NOS2: variants seen among roughly 807,000 people sequenced by gnomAD.
NOS2 encodes the protein nitric oxide synthase, inducible.
A neutral mutation model predicts 136.0 loss-of-function variants in NOS2; 96 were observed. The ratio of observed to expected loss-of-function variants is 0.71; its 90% CI spans 0.60 to 0.84. NOS2 has a LOEUF of 0.84. Among genes scored for constraint, NOS2 ranks in the 40% least tolerant of loss-of-function variants. The pLI is 0.00. For missense variants in NOS2, 1,237 were observed against 1,496.9 expected, an observed-to-expected ratio of 0.83 and a Z score of 2.87; for synonymous variants, 539 against 587.5, an observed-to-expected ratio of 0.92 and a Z score of 1.20.
Position 27,782,962 on chromosome 17 carries a change from G to T in NOS2, c.612C>A (p.Ile204=), listed in dbSNP as rs1034656608. The T allele has an allele frequency of 3.1e-6, 5 of 1,614,032 alleles. No homozygotes were observed. The highest frequency in any genetic ancestry group is 2.7e-5 in the African/African-American group (2 of 74,940). The part of the protein sequence containing the change: ...WRNAPRCIGR[I]QWSNLQVFDA... ...AGTTCACCTGCAGGTTGGACCACTG[G>T]ATCCTCCCAATGCAGCGTGGGGCAT... The change falls in exon 6 of 27, where the codon ATC becomes ATA. Residue 204 remains isoleucine (I), a synonymous_variant. Coordinates refer to ENST00000313735, the MANE Select transcript of NOS2 (RefSeq NM_000625.4).
chr17:27,784,252 C>G lies in NOS2; in HGVS notation c.468-1146G>C, dbSNP rs916055397. ...ATCAAAACTATTTAAAGAATGAACT[C>G]CTGATTAAGGAGAGTGGGTAACTCT... On this transcript the variant is annotated intron_variant, in intron 5 of 26. Coordinates refer to ENST00000313735, the MANE Select transcript of NOS2 (RefSeq NM_000625.4). Among the ~76,000 whole-genome samples the G allele has an allele frequency of 1.3e-5, 2 of 152,124 alleles. 1 individual carries two copies. The highest frequency in any genetic ancestry group is 4.1e-4 in the South Asian group (2 of 4,824).
Position 27,778,981 on chromosome 17 carries a change from G to A in NOS2, c.1080C>T (p.Gly360=), listed in dbSNP as rs140983392. 1.0e-3 allele frequency: 1,611 copies of A among 1,612,484 alleles called. 3 individuals are homozygous for A. The highest frequency in any genetic ancestry group is 1.2e-3 in the Non-Finnish European group (1,456 of 1,178,894). Residue 360 remains glycine, a synonymous_variant, in exon 10 of 27, where the codon GGC becomes GGT. Coordinates refer to ENST00000313735, the MANE Select transcript of NOS2 (RefSeq NM_000625.4). ...PAVANMLLEV[G]GLEFPGCPFN... The stretch of plus-strand genomic sequence containing the variant: ...AGGGGCACCCTGGGAACTCCAGGCC[G>A]CCCACCTCAAGCAGCATGTTGGCCA...
chr17:27,767,836 G>A lies in NOS2; in HGVS notation c.2036C>T (p.Ala679Val). ...TCGGACATCAAACGTCTCACAGGCTGCCTGGAAGAAGGTGGAGCAGACTGC... is the reference window on the plus strand; with the variant it reads ...TCGGACATCAAACGTCTCACAGGCTACCTGGAAGAAGGTGGAGCAGACTGC... ...FRSWAVQTFK[A>V]ACETFDVRGK... is the part of the protein sequence containing the mutation. Residue 679 changes from alanine (A) to valine (V), a missense_variant and splice_region_variant, in exon 18 of 27, where the codon GCA becomes GTA. By Grantham distance (64) the Ala-to-Val change is moderately conservative. Around this residue, in one of 3 missense-constraint regions of NOS2, gnomAD observed 782 missense variants for 909.9 expected, o/e 0.86. Coordinates refer to ENST00000313735, the MANE Select transcript of NOS2 (RefSeq NM_000625.4). 8 of 1,611,524 alleles carry A rather than the reference G, an allele frequency of 5.0e-6. No individual in the cohort carries two copies. The highest frequency in any genetic ancestry group is 6.8e-6 in the Non-Finnish European group (8 of 1,179,952).
Position 27,773,177 on chromosome 17 carries a change from A to G in NOS2, c.1543T>C (p.Leu515=), listed in dbSNP as rs1192640605. Residue 515 remains leucine (L), a synonymous_variant, in exon 13 of 27, where the codon TTG becomes CTG. Coordinates refer to ENST00000313735, the MANE Select transcript of NOS2 (RefSeq NM_000625.4). ...KRRPKRREIP[L]KVLVKAVLFA... ...GCCACTCACTTGACCAAGACTTTCA[A>G]TGGAATCTCTCTTCTCTTGGGTCTC... 6 of 1,614,014 alleles carry G rather than the reference A, an allele frequency of 3.7e-6. No individual in the cohort carries two copies. The highest frequency in any genetic ancestry group is 1.7e-5 in the Admixed American group (1 of 60,024).
Position 27,759,082 on chromosome 17 carries a change from C to G in NOS2, c.3160-7G>C, listed in dbSNP as rs369333006. On this transcript the variant is annotated splice_region_variant and splice_polypyrimidine_tract_variant and intron_variant, in intron 25 of 26. Transcript: ENST00000313735. The stretch of plus-strand genomic sequence containing the variant: ...GGATGTCCTGAACATAGACCTGAAA[C>G]CAGAGGAAACAGTGGGTTCAGTCCT... The G allele has an allele frequency of 1.3e-6, 2 of 1,575,242 alleles. No homozygotes were observed. The highest frequency in any genetic ancestry group is 1.8e-5 in the Admixed American group (1 of 55,970).
chr17:27,787,842 C>G lies in NOS2; in HGVS notation c.319-16G>C. ...AAGTTAAAATCTGGAAAGAGAGAGG[C>G]AGGTGGTGAGGGTGGGCCATTCGGC... is the stretch of plus-strand genomic sequence containing the variant. On this transcript the variant is annotated splice_polypyrimidine_tract_variant and intron_variant, in intron 4 of 26. Coordinates refer to ENST00000313735, the MANE Select transcript of NOS2 (RefSeq NM_000625.4). 2 of 1,603,408 alleles carry G rather than the reference C, an allele frequency of 1.2e-6. No individual in the cohort carries two copies. The highest frequency in any genetic ancestry group is 8.5e-7 in the Non-Finnish European group (1 of 1,174,750).
In NOS2 at chr17:27,769,512, T is replaced by C. The variant is rs763501834; in HGVS notation, c.1859+23A>G. ...TGGGTCCACAGGGCAGGGCTAGGAG[T>C]AGGACAACGGAAAAAGCTTTACCTG... On this transcript the variant is annotated intron_variant, in intron 16 of 26. Transcript: ENST00000313735. 3.1e-6 allele frequency: 5 copies of C among 1,607,344 alleles called. No individual in the cohort carries two copies. The South Asian group carries it at 4.4e-5, about 14-fold the overall frequency.
At position 27,798,834 on chromosome 17, in the gene NOS2, A is replaced by T. The variant is rs764403165; in HGVS notation, c.-25T>A. 1 of 1,356,370 alleles carries T rather than the reference A, an allele frequency of 7.4e-7. No individual in the cohort carries two copies. Among genetic ancestry groups the T allele is most frequent in the African/African-American group, 1.4e-5 (1 of 69,804 alleles). 84.0% of individuals were successfully genotyped at this position (1,356,370 alleles called of 1,614,324 possible). On this transcript the variant is annotated 5_prime_UTR_variant, in exon 2 of 27. Coordinates refer to ENST00000313735, the MANE Select transcript of NOS2 (RefSeq NM_000625.4). ...TCTCTATGGCTTTACAAAGCAGGTC[A>T]CTTATGTCACTTATCTGGATTTGAG...
intron 25 of NOS2, 147 bp downstream of exon 25, chr17:27,759,883 T>C (rs575811444): frequency 8.9e-5 from 65 of 732,724 alleles, no homozygotes; most frequent in Non-Finnish European, 1.2e-4. Context: ...GTAATGCTCT[T>C]CACAGCATCA....
intron 22 of NOS2, 103 bp downstream of exon 22, chr17:27,762,695 C>G: frequency 1.2e-6 from 1 of 832,780 alleles, no homozygotes; most frequent in Non-Finnish European, 1.9e-6. Flanking sequence ...TGTGGGTGTT[C>G]CCTCCCTCCT....
At chr17:27,763,053 TG>T in intron 21 of NOS2, 48 bp from the exon 22 acceptor site, 1 of 1,282,148 alleles carries the variant, frequency 7.8e-7, no homozygotes, top group Non-Finnish European at 1.1e-6. Context: ...TGTCCCGCTT[TG>T]GGGAAAAGAC....
chr17:27,770,317 T>A (rs1265466408), intron 15 of NOS2, among the ~76,000 whole-genome samples: 1 of 152,046 alleles, frequency 6.6e-6, no homozygotes, highest in Non-Finnish European at 1.5e-5. Flanking sequence ...CCATCTCTAC[T>A]TAAAAAAAAG....
chr17:27,772,588 A>T, intron 13 of NOS2, 136 bp from the exon 14 acceptor site: 1 of 961,172 alleles, frequency 1.0e-6, no homozygotes, highest in South Asian at 1.6e-5. Flanking sequence ...GTTTCTCACC[A>T]GCCATGTACC....
chr17:27,776,677 GAA>G (rs34069634), intron 11 of NOS2, among the ~76,000 whole-genome samples: 183 of 78,120 alleles, frequency 2.3e-3, no homozygotes, highest in Middle Eastern at 8.1e-3. Flanking sequence ...ATCTCCAAAG[GAA>G]AAAAAAAAAA....
At chr17:27,778,580 C>A (rs1908735206) in intron 11 of NOS2, 110 bp downstream of exon 11, 1 of 836,118 alleles carries the variant, frequency 1.2e-6, no homozygotes, top group Non-Finnish European at 2.0e-6. Flanking sequence ...TGTTGCTGGA[C>A]CTCTAGAGTG....
chr17:27,775,089 T>C (rs985284619), intron 11 of NOS2, among the ~76,000 whole-genome samples: 1 of 152,260 alleles, frequency 6.6e-6, no homozygotes, highest in Non-Finnish European at 1.5e-5. Flanking sequence ...TGGTTCAAAC[T>C]CTGGCTTTTT....
At chr17:27,771,070 T>G in intron 14 of NOS2, 53 bp from the exon 15 acceptor site, 2 of 1,327,268 alleles carry the variant, frequency 1.5e-6, no homozygotes, top group South Asian at 1.2e-5. Flanking sequence ...GGGCCCTCCC[T>G]ACCCTGCGCA....
chr17:27,773,575 C>A (rs969554570), intron 12 of NOS2, among the ~76,000 whole-genome samples: 1 of 152,164 alleles, frequency 6.6e-6, no homozygotes, highest in African/African-American at 2.4e-5. Context: ...ACAGTCCCAA[C>A]CGAGACACCT....
At chr17:27,763,372 G>T (rs1266424619) in intron 21 of NOS2, among the ~76,000 whole-genome samples, 1 of 152,216 alleles carries the variant, frequency 6.6e-6, no homozygotes, top group East Asian at 1.9e-4. Context: ...GTGAAACAAG[G>T]ACAGTATTGC....
Sources: allele counts gnomAD v4.1 joint callset (sites outside exome capture counted in the v4.1 genomes callset), GRCh38; gene constraint gnomAD v4.1.1; regional missense constraint gnomAD v4.1.1; transcripts MANE v1.5; gene names NCBI Gene and HGNC (gene_info 2026-07-23, HGNC 2026-07-21).